Variants in CENPP observed in about 807,000 individuals in gnomAD.
CENPP encodes the protein centromere protein P.
Under a neutral mutation model 35.6 loss-of-function variants are expected in CENPP, and 24 were observed. The observed-to-expected ratio is 0.67, with a 90% CI of 0.49 to 0.95. The LOEUF is 0.95. CENPP is among the 40% of genes least tolerant of loss of function. The pLI, the probability that CENPP is intolerant of heterozygous loss-of-function variation, is 0.00. For missense variants in CENPP, 332 were observed against 345.3 expected, an observed-to-expected ratio of 0.96 and a Z score of 0.31; for synonymous variants, 120 against 125.5, an observed-to-expected ratio of 0.96 and a Z score of 0.29.
chr9:92,342,237 A>G (rs1341017861), intron 3 of CENPP, among the ~76,000 whole-genome samples: 1 of 152,242 alleles, frequency 6.6e-6, no homozygotes, highest in Non-Finnish European at 1.5e-5. Context: ...CATGCAAAGG[A>G]TGCTGGGAAT....
At chr9:92,379,358 A>G (rs1442504316) in intron 4 of CENPP, among the ~76,000 whole-genome samples, 1 of 152,232 alleles carries the variant, frequency 6.6e-6, no homozygotes, top group Non-Finnish European at 1.5e-5. Context: ...AGAAGCCACT[A>G]TGAGACAACT....
In CENPP at chr9:92,332,336, G is replaced by A; in HGVS notation, c.274G>A (p.Glu92Lys). The change falls in exon 2 of 8, where the codon GAG (glutamate) becomes AAG (lysine). Residue 92 changes from glutamate to lysine, a missense_variant. Glu to Lys is a moderately conservative substitution (Grantham distance 56). Transcript: ENST00000375587. ...GCAGACAGAAGACCTAACAAGCACT[G>A]AGATGACAGAAAAGAGTAAGCATTT... Reference protein sequence around the residue: ...SKQTEDLTSTEMTEKSIRKVL... With the variant: ...SKQTEDLTSTKMTEKSIRKVL... 1 of 1,584,398 alleles carries A rather than the reference G, an allele frequency of 6.3e-7. No individual in the cohort carries two copies. The highest frequency in any genetic ancestry group is 8.6e-7 in the Non-Finnish European group (1 of 1,167,524).
At chr9:92,385,448 TTACTTTTTACTTA>T in intron 5 of CENPP, 1 of 579,536 alleles carries the variant, frequency 1.7e-6, no homozygotes, top group African/African-American at 1.9e-5. Context: ...ACATTCAGTC[TTACTTTTTACTTA>T]TTATATGTAA....
At chr9:92,580,759 G>A (rs1850403655) in intron 5 of CENPP, among the ~76,000 whole-genome samples, 1 of 152,268 alleles carries the variant, frequency 6.6e-6, no homozygotes, top group Non-Finnish European at 1.5e-5. Context: ...ACCAGCTCCT[G>A]GATTCGTTAA....
At chr9:92,458,934 G>A (rs1229570677) in intron 5 of CENPP, among the ~76,000 whole-genome samples, 1 of 152,178 alleles carries the variant, frequency 6.6e-6, no homozygotes, top group African/African-American at 2.4e-5. Context: ...AAGAGAAGAG[G>A]CAGAGTGGCT....
At chr9:92,455,798 T>C (rs1844857782) in intron 5 of CENPP, among the ~76,000 whole-genome samples, 1 of 152,170 alleles carries the variant, frequency 6.6e-6, no homozygotes, top group African/African-American at 2.4e-5. Flanking sequence ...TAGGCCAGGC[T>C]CAGTGGCTCA....
chr9:92,571,436 T>C (rs996171428), intron 5 of CENPP, among the ~76,000 whole-genome samples: 4 of 152,210 alleles, frequency 2.6e-5, no homozygotes, highest in African/African-American at 9.7e-5. Context: ...TGCACTGTGG[T>C]CTGAGAGACA....
intron 5 of CENPP, among the ~76,000 whole-genome samples, chr9:92,603,225 C>T (rs2131389228): frequency 6.6e-6 from 1 of 152,346 alleles, no homozygotes; most frequent in South Asian, 2.1e-4. Context: ...GTTGTGCAGG[C>T]CCCAGGGCCC....
intron 5 of CENPP, chr9:92,456,780 A>G (rs1844893732): frequency 9.9e-6 from 2 of 202,978 alleles, no homozygotes; most frequent in African/African-American, 4.7e-5. Context: ...CAATAAGATT[A>G]TATCAAATCA....
In CENPP at chr9:92,405,757, A is replaced by G. The variant is rs547556813; in HGVS notation, c.564+25898A>G. Among the ~76,000 whole-genome samples the G allele has an allele frequency of 3.0e-4, 46 of 152,320 alleles. 1 individual carries two copies. Among genetic ancestry groups the G allele is most frequent in the East Asian group, 1.9e-4 (1 of 5,190 alleles). ...AGATTCATAGTTTCATTAATGGTAC[A>G]CTTTGATGCTTTGTACTACAGAAAA... On this transcript the variant is annotated intron_variant, in intron 5 of 7. Coordinates refer to ENST00000375587, the MANE Select transcript of CENPP (RefSeq NM_001012267.3).
At chr9:92,454,219 T>G (rs1408048732) in intron 5 of CENPP, among the ~76,000 whole-genome samples, 2 of 152,196 alleles carry the variant, frequency 1.3e-5, no homozygotes, top group African/African-American at 2.4e-5. Context: ...AAACCAAAAA[T>G]GGCTAACAGC....
At chr9:92,592,557 G>C (rs939661322) in intron 5 of CENPP, among the ~76,000 whole-genome samples, 1 of 152,130 alleles carries the variant, frequency 6.6e-6, no homozygotes, top group African/African-American at 2.4e-5. Flanking sequence ...TACTGTTCCT[G>C]GGTATTCCTC....
intron 5 of CENPP, among the ~76,000 whole-genome samples, chr9:92,569,540 T>A (rs946174975): frequency 1.3e-5 from 2 of 152,218 alleles, no homozygotes; most frequent in African/African-American, 4.8e-5. Flanking sequence ...TTCTTTTTGC[T>A]TAGGATTGTC....
chr9:92,502,632 G>A (rs776125379), intron 5 of CENPP: 4 of 1,593,368 alleles, frequency 2.5e-6, no homozygotes, highest in South Asian at 2.2e-5. Context: ...CTTCAATTTG[G>A]TTATTTTCTA....
intron 5 of CENPP, among the ~76,000 whole-genome samples, chr9:92,497,037 C>A (rs760649322): frequency 1.3e-5 from 2 of 152,070 alleles, no homozygotes; most frequent in Non-Finnish European, 2.9e-5. Context: ...GGTGCGCCAC[C>A]TCTGGAGAGG....
intron 5 of CENPP, among the ~76,000 whole-genome samples, chr9:92,408,204 T>G (rs1459172087): frequency 6.6e-6 from 1 of 152,180 alleles, no homozygotes; most frequent in Non-Finnish European, 1.5e-5. Flanking sequence ...TGTTTGTTTT[T>G]GAGACGGAGT....
At chr9:92,546,702 C>G (rs1405772217) in intron 5 of CENPP, among the ~76,000 whole-genome samples, 2 of 152,136 alleles carry the variant, frequency 1.3e-5, no homozygotes, top group Admixed American at 1.3e-4. Context: ...TTCTTGAAGT[C>G]AGTGAGACCA....
intron 5 of CENPP, among the ~76,000 whole-genome samples, chr9:92,578,547 T>C (rs1260422811): frequency 3.9e-5 from 6 of 152,204 alleles, no homozygotes; most frequent in Non-Finnish European, 7.3e-5. Flanking sequence ...TCTCTGATGG[T>C]CAGTGATGGT....
intron 5 of CENPP, chr9:92,474,672 G>C (rs778441508): frequency 2.5e-6 from 4 of 1,613,680 alleles, no homozygotes. Context: ...CATCCAAATG[G>C]ACACATTGGA....
Sources: allele counts gnomAD v4.1 joint callset (sites outside exome capture counted in the v4.1 genomes callset), GRCh38; gene constraint gnomAD v4.1.1; transcripts MANE v1.5; gene names NCBI Gene and HGNC (gene_info 2026-07-23, HGNC 2026-07-21).